The following EPHA7 variants were observed in gnomAD, a reference collection of about 807,000 sequenced individuals.
EPHA7 encodes the protein EPH receptor A7.
EPHA7 carries 25 observed loss-of-function variants against 112.6 expected under a neutral mutation model. The observed-to-expected ratio is 0.22, with a 90% CI of 0.16 to 0.31. The LOEUF is 0.31. EPHA7 is among the 10% of genes least tolerant of loss of function. EPHA7 has a pLI of 1.00. For missense variants in EPHA7, 962 were observed against 1,212.6 expected (o/e 0.79, Z 3.07); for synonymous variants, 437 against 406.5 (o/e 1.07, Z -0.90).
At chr6:93,259,901 A>G (rs1312730459) in intron 9 of EPHA7, among the ~76,000 whole-genome samples, 1 of 151,936 alleles carries the variant, frequency 6.6e-6, no homozygotes, top group Non-Finnish European at 1.5e-5. Context: ...AAGACATTTC[A>G]TTTACAGGTA....
intron 5 of EPHA7, among the ~76,000 whole-genome samples, chr6:93,315,121 C>A (rs1773744698): frequency 6.7e-6 from 1 of 150,258 alleles, no homozygotes; most frequent in African/African-American, 2.5e-5. Flanking sequence ...CTCGGCCTCC[C>A]AAAGTGCTGG....
At chr6:93,350,827 C>T (rs2127936834) in intron 5 of EPHA7, among the ~76,000 whole-genome samples, 1 of 152,002 alleles carries the variant, frequency 6.6e-6, no homozygotes, top group African/African-American at 2.4e-5. Flanking sequence ...AAACCAGGGT[C>T]AATCTGTTAC....
At chr6:93,268,571 G>C (rs1283505539) in intron 7 of EPHA7, among the ~76,000 whole-genome samples, 1 of 151,580 alleles carries the variant, frequency 6.6e-6, no homozygotes, top group South Asian at 2.1e-4. Context: ...ATAACACCTG[G>C]GTAAACCATG....
intron 3 of EPHA7, among the ~76,000 whole-genome samples, chr6:93,395,192 G>C (rs1233037421): frequency 1.3e-5 from 2 of 151,736 alleles, no homozygotes; most frequent in Non-Finnish European, 2.9e-5. Flanking sequence ...AAAGATTTTA[G>C]ACAATGCTTT....
At chr6:93,314,858 CTTTTTTT>C (rs777231219) in intron 5 of EPHA7, among the ~76,000 whole-genome samples, 7 of 101,380 alleles carry the variant, frequency 6.9e-5, no homozygotes, top group East Asian at 2.9e-4. Flanking sequence ...ATATAATTTT[CTTTTTTT>C]TTTTTTTTTT....
intron 5 of EPHA7, among the ~76,000 whole-genome samples, chr6:93,296,633 T>C (rs939275773): frequency 5.9e-5 from 9 of 151,404 alleles, no homozygotes; most frequent in African/African-American, 2.2e-4. Flanking sequence ...ACACGTGGAA[T>C]CTAAGAAAAA....
intron 5 of EPHA7, among the ~76,000 whole-genome samples, chr6:93,325,038 T>A (rs1450333447): frequency 6.6e-6 from 1 of 151,240 alleles, no homozygotes; most frequent in Non-Finnish European, 1.5e-5. Flanking sequence ...TTATGTAGTA[T>A]AAAAAATGAG....
chr6:93,380,719 C>T (rs912412867), intron 3 of EPHA7, among the ~76,000 whole-genome samples: 68 of 152,156 alleles, frequency 4.5e-4, no homozygotes, highest in African/African-American at 1.6e-3. Context: ...CAGGCAGAAC[C>T]TCACAGTAGA....
chr6:93,403,674 A>G (rs1403227988), intron 3 of EPHA7, among the ~76,000 whole-genome samples: 3 of 151,904 alleles, frequency 2.0e-5, no homozygotes, highest in African/African-American at 7.2e-5. Context: ...AAAAAAAAAA[A>G]AAAGAAAAAG....
Position 93,255,928 on chromosome 6 carries a change from G to A in EPHA7, c.2282C>T (p.Ala761Val). 3 of 1,614,052 alleles carry A rather than the reference G, an allele frequency of 1.9e-6. No homozygotes were observed. The highest frequency in any genetic ancestry group is 2.5e-6 in the Non-Finnish European group (3 of 1,179,986). The stretch of plus-strand genomic sequence containing the variant: ...ATTGCTGTTGACAAGAATATTGCGA[G>A]CTGCAAGGTCCCTGTGAACATATCC... ...DMGYVHRDLA[A>V]RNILVNSNLV... The change falls in exon 13 of 17, where the codon GCT becomes GTT. Residue 761 changes from alanine to valine, a missense_variant. Around this residue, in one of 3 missense-constraint regions of EPHA7, gnomAD observed 746 missense variants for 889.2 expected, o/e 0.84. Transcript: ENST00000369303.
At chr6:93,298,722 G>A (rs1475766937) in intron 5 of EPHA7, among the ~76,000 whole-genome samples, 1 of 152,078 alleles carries the variant, frequency 6.6e-6, no homozygotes, top group Non-Finnish European at 1.5e-5. Context: ...AAAAGACAAT[G>A]CTCAGTTTTG....
chr6:93,393,945 A>T (rs1405351728), intron 3 of EPHA7, among the ~76,000 whole-genome samples: 1 of 151,824 alleles, frequency 6.6e-6, no homozygotes, highest in African/African-American at 2.4e-5. Flanking sequence ...TTTTTCATAA[A>T]TTTTTACGAG....
At chr6:93,400,894 C>T (rs1301611576) in intron 3 of EPHA7, among the ~76,000 whole-genome samples, 1 of 152,076 alleles carries the variant, frequency 6.6e-6, no homozygotes, top group Non-Finnish European at 1.5e-5. Flanking sequence ...ATTTTTGAAT[C>T]ATTCAACTTA....
intron 5 of EPHA7, among the ~76,000 whole-genome samples, chr6:93,274,800 T>C (rs1014430499): frequency 6.6e-6 from 1 of 151,918 alleles, no homozygotes. Context: ...AACGTGATTA[T>C]ATTTTCCCTG....
chr6:93,339,674 A>T (rs1193498729), intron 5 of EPHA7, among the ~76,000 whole-genome samples: 6 of 151,764 alleles, frequency 4.0e-5, no homozygotes. Context: ...ATGCATTATT[A>T]CATAGAAACT....
chr6:93,295,601 T>C (rs532930405), intron 5 of EPHA7, among the ~76,000 whole-genome samples: 1 of 151,914 alleles, frequency 6.6e-6, no homozygotes, highest in Non-Finnish European at 1.5e-5. Flanking sequence ...TTATCAAGAT[T>C]TTCTTTATAG....
intron 5 of EPHA7, among the ~76,000 whole-genome samples, chr6:93,302,111 A>C (rs548316648): frequency 1.3e-5 from 2 of 152,154 alleles, no homozygotes; most frequent in African/African-American, 4.8e-5. Flanking sequence ...CTCTTCTATA[A>C]CCTTGAAAGT....
chr6:93,345,723 A>G (rs1775371135), intron 5 of EPHA7, among the ~76,000 whole-genome samples: 1 of 151,774 alleles, frequency 6.6e-6, no homozygotes, highest in Non-Finnish European at 1.5e-5. Flanking sequence ...CTGAAAAACA[A>G]GATCTTGATA....
At chr6:93,262,604 C>T (rs1337649659) in intron 9 of EPHA7, among the ~76,000 whole-genome samples, 1 of 151,336 alleles carries the variant, frequency 6.6e-6, no homozygotes, top group Non-Finnish European at 1.5e-5. Context: ...CATTTAACTT[C>T]AATTTGTAGT....
Sources: gnomAD v4.1 joint callset for allele counts (sites outside exome capture counted in the v4.1 genomes callset) on GRCh38, gnomAD v4.1.1 for gene constraint, gnomAD v4.1.1 regional missense constraint, MANE v1.5 for transcripts, NCBI Gene and HGNC (gene_info 2026-07-23, HGNC 2026-07-21) for gene names.